Variants in TPD52 observed in about 807,000 individuals in gnomAD.
TPD52 encodes the protein tumor protein D52, also known as prostate and colon associated protein.
Under a neutral mutation model 31.3 loss-of-function variants are expected in TPD52, and 17 were observed. That is an observed-to-expected ratio of 0.54 (90% CI 0.37 to 0.82). The LOEUF is 0.82. Ranked by LOEUF, TPD52 falls within the 40% of genes least tolerant of loss-of-function variation. The pLI, the probability that TPD52 is intolerant of heterozygous loss-of-function variation, is 0.00. For synonymous variants in TPD52, 83 were observed against 89.6 expected, an observed-to-expected ratio of 0.93 and a Z score of 0.42; for missense variants, 212 against 240.1, an observed-to-expected ratio of 0.88 and a Z score of 0.77.
In TPD52 at chr8:80,035,750, G is replaced by A. The variant is rs1412844732; in HGVS notation, c.*2366C>T. 2 of 152,078 alleles carry A rather than the reference G, an allele frequency of 1.3e-5. No individual in the cohort carries two copies. The highest frequency in any genetic ancestry group is 2.9e-5 in the Non-Finnish European group (2 of 68,016). 9.4% of individuals were successfully genotyped at this position (152,078 alleles called of 1,614,324 possible). A position where few individuals can be genotyped will look rare whatever the true frequency, so the allele number is the denominator to read the frequency against. On this transcript the variant is annotated 3_prime_UTR_variant, in exon 8 of 8. Transcript: ENST00000518937. The stretch of plus-strand genomic sequence containing the variant: ...AATTGACATTTCTTTTTGTAAGAAG[G>A]GGATATTTTCTTCTACACTTGAGTC...
chr8:80,064,608 A>G lies in TPD52; in HGVS notation c.20-15T>C. 1.2e-6 allele frequency: 2 copies of G among 1,606,394 alleles called. No homozygotes were observed. The highest frequency in any genetic ancestry group is 8.5e-7 in the Non-Finnish European group (1 of 1,173,052). On this transcript the variant is annotated splice_polypyrimidine_tract_variant and intron_variant, in intron 1 of 7. Transcript: ENST00000518937. ...TCTCAGCAGACCTGGTTGGGGATTT[A>G]AACCATTTTTTAAAGTGCAAAATCT...
At chr8:80,155,323 T>C in intron 1 of TPD52, among the ~76,000 whole-genome samples, 1 of 152,088 alleles carries the variant, frequency 6.6e-6, no homozygotes, top group East Asian at 1.9e-4. Context: ...TGATTTGAGG[T>C]GGTGAGAGAA....
chr8:80,040,540 T>A (rs1314594143), intron 7 of TPD52, among the ~76,000 whole-genome samples: 1 of 152,182 alleles, frequency 6.6e-6, no homozygotes, highest in African/African-American at 2.4e-5. Context: ...TGGTGCCTAG[T>A]CATATTTTAA....
chr8:80,041,109 C>T lies in TPD52; in HGVS notation c.504+1511G>A, dbSNP rs1236674720. On this transcript the variant is annotated intron_variant, in intron 7 of 7. Transcript: ENST00000518937. ...ACGTTTGTATGTTCAAGAAAAAAAA[C>T]GATCCAAACATCACACACCAAGGCG... Among the ~76,000 whole-genome samples the T allele has an allele frequency of 2.6e-5, 4 of 151,924 alleles. No individual in the cohort carries two copies. The South Asian group carries it at 6.2e-4, about 24-fold the overall frequency.
intron 1 of TPD52, among the ~76,000 whole-genome samples, chr8:80,107,147 G>T (rs576771460): frequency 2.0e-5 from 3 of 152,084 alleles, no homozygotes; most frequent in African/African-American, 7.2e-5. Context: ...CACCATGCCC[G>T]GCCATAAATA....
intron 3 of TPD52, 117 bp from the exon 4 acceptor site, chr8:80,051,745 T>A: frequency 1.3e-6 from 1 of 793,310 alleles, no homozygotes; most frequent in Non-Finnish European, 1.9e-6. Flanking sequence ...AGAGAAAACA[T>A]TTTTCAGAAC....
chr8:80,046,457 G>C (rs187014366), intron 5 of TPD52, among the ~76,000 whole-genome samples: 1 of 152,166 alleles, frequency 6.6e-6, no homozygotes, highest in Admixed American at 6.5e-5. Context: ...CTAACTATAG[G>C]GTGGCTGTTC....
At chr8:80,144,729 T>C (rs958696122) in intron 1 of TPD52, among the ~76,000 whole-genome samples, 23 of 152,346 alleles carry the variant, frequency 1.5e-4, no homozygotes, top group African/African-American at 4.6e-4. Flanking sequence ...CAACCAGTTC[T>C]TTGGGGCAGA....
intron 1 of TPD52, chr8:80,171,059 G>T: frequency 1.8e-6 from 1 of 542,860 alleles, no homozygotes; most frequent in East Asian, 3.5e-5. Flanking sequence ...TCTGTTCCTG[G>T]TTCCAGTCAC....
intron 1 of TPD52, among the ~76,000 whole-genome samples, chr8:80,102,287 C>T (rs145921821): frequency 4.3e-4 from 66 of 152,290 alleles, no homozygotes; most frequent in African/African-American, 1.5e-3. Context: ...AGCTCATTCA[C>T]GTAGCTACTG....
intron 1 of TPD52, among the ~76,000 whole-genome samples, chr8:80,141,682 T>A (rs7819328): frequency 2.6e-5 from 4 of 152,020 alleles, no homozygotes; most frequent in Non-Finnish European, 4.4e-5. Context: ...GAGGCTGAGG[T>A]GGGCAGAACA....
intron 3 of TPD52, chr8:80,052,758 G>T: frequency 1.0e-6 from 1 of 986,232 alleles, no homozygotes; most frequent in Non-Finnish European, 1.4e-6. Flanking sequence ...CTAAGGGATT[G>T]ACCTCTGCCA....
chr8:80,091,344 C>CTG (rs766442055), intron 1 of TPD52, among the ~76,000 whole-genome samples: 4 of 152,054 alleles, frequency 2.6e-5, no homozygotes, highest in Non-Finnish European at 4.4e-5. Flanking sequence ...TGGCGGGCAC[C>CTG]TGTAGTCCCA....
chr8:80,097,045 T>G (rs1296062913), intron 1 of TPD52, among the ~76,000 whole-genome samples: 1 of 152,216 alleles, frequency 6.6e-6, no homozygotes, highest in Non-Finnish European at 1.5e-5. Flanking sequence ...TTACAAGTGC[T>G]ACTCCAGTGA....
intron 1 of TPD52, among the ~76,000 whole-genome samples, chr8:80,079,823 TAA>T (rs11293416): frequency 0.043 from 6,486 of 150,606 alleles, 242 homozygotes; most frequent in African/African-American, 0.1. Flanking sequence ...AGTTTTTCTT[TAA>T]AAAAAAAAAA....
intron 1 of TPD52, among the ~76,000 whole-genome samples, chr8:80,065,304 T>C (rs1333496481): frequency 3.0e-5 from 1 of 32,858 alleles, no homozygotes; most frequent in Non-Finnish European, 8.9e-5. Context: ...TCTATCTATC[T>C]ATATATATAT....
chr8:80,065,308 T>C (rs1813014095), intron 1 of TPD52, among the ~76,000 whole-genome samples: 1 of 150,254 alleles, frequency 6.7e-6, no homozygotes, highest in Non-Finnish European at 1.5e-5. Flanking sequence ...TCTATCTATA[T>C]ATATATATAT....
chr8:80,138,764 T>C (rs1809616231), intron 1 of TPD52, among the ~76,000 whole-genome samples: 2 of 152,174 alleles, frequency 1.3e-5, no homozygotes, highest in South Asian at 4.1e-4. Flanking sequence ...ACTGGCTCTC[T>C]GAACATTGAG....
At chr8:80,101,556 T>C (rs1303160028) in intron 1 of TPD52, among the ~76,000 whole-genome samples, 1 of 151,394 alleles carries the variant, frequency 6.6e-6, no homozygotes, top group Non-Finnish European at 1.5e-5. Context: ...AGAAAATAGG[T>C]TTATATTTGG....
Sources: gnomAD v4.1 joint callset for allele counts (sites outside exome capture counted in the v4.1 genomes callset) on GRCh38, gnomAD v4.1.1 for gene constraint, MANE v1.5 for transcripts, NCBI Gene and HGNC (gene_info 2026-07-23, HGNC 2026-07-21) for gene names.